Variants in UGT1A8 observed in about 807,000 individuals in gnomAD.
UGT1A8 encodes UDP glucuronosyltransferase family 1 member A8, also known as UDP-glucuronosyltransferase 1A8.
UGT1A8 carries 39 observed loss-of-function variants against 45.3 expected under a neutral mutation model. That is an observed-to-expected ratio of 0.86 (90% CI 0.67 to 1.12). The LOEUF is 1.12. Among genes scored for constraint, UGT1A8 ranks in the 50% most tolerant of loss-of-function variants. The pLI is 0.00. For synonymous variants in UGT1A8, 275 were observed against 249.2 expected (o/e 1.10, Z -0.97); for missense variants, 719 against 664.9 (o/e 1.08, Z -0.90).
intron 1 of UGT1A8, among the ~76,000 whole-genome samples, chr2:233,677,019 T>G (rs1370801889): frequency 6.6e-6 from 1 of 152,182 alleles, no homozygotes; most frequent in Non-Finnish European, 1.5e-5. Context: ...AAATTGCTTT[T>G]GCTATTGGAG....
chr2:233,677,349 G>A (rs1383112732), intron 1 of UGT1A8, among the ~76,000 whole-genome samples: 1 of 152,106 alleles, frequency 6.6e-6, no homozygotes, highest in Non-Finnish European at 1.5e-5. Flanking sequence ...CCTGAACAAT[G>A]TGGGAATGAA....
At chr2:233,641,562 A>G (rs535664733) in intron 1 of UGT1A8, among the ~76,000 whole-genome samples, 1 of 152,314 alleles carries the variant, frequency 6.6e-6, no homozygotes, top group South Asian at 2.1e-4. Context: ...ACAATGTTAT[A>G]ATATTCTGTG....
chr2:233,661,913 A>T (rs2073979139), intron 1 of UGT1A8, among the ~76,000 whole-genome samples: 3 of 151,798 alleles, frequency 2.0e-5, no homozygotes, highest in Admixed American at 6.6e-5. Flanking sequence ...ATGCATGAGA[A>T]CTGTGAGATC....
chr2:233,744,711 T>A (rs1692896185), intron 1 of UGT1A8, among the ~76,000 whole-genome samples: 1 of 151,888 alleles, frequency 6.6e-6, no homozygotes, highest in Non-Finnish European at 1.5e-5. Context: ...TGTACACTTG[T>A]GAGAGAATGA....
intron 1 of UGT1A8, among the ~76,000 whole-genome samples, chr2:233,749,052 C>A (rs1694096242): frequency 6.6e-6 from 1 of 151,690 alleles, no homozygotes; most frequent in Admixed American, 6.6e-5. Flanking sequence ...TACTCTGGGA[C>A]CTGAATATTG....
chr2:233,733,095 G>A (rs1341199680), intron 1 of UGT1A8, among the ~76,000 whole-genome samples: 1 of 152,176 alleles, frequency 6.6e-6, no homozygotes, highest in Non-Finnish European at 1.5e-5. Context: ...GTTCACTCAT[G>A]GTTTGGCTCT....
intron 1 of UGT1A8, among the ~76,000 whole-genome samples, chr2:233,645,181 C>G (rs1422396315): frequency 6.6e-6 from 1 of 152,190 alleles, no homozygotes; most frequent in Admixed American, 6.5e-5. Flanking sequence ...TTCTTGTTGA[C>G]TAGGCTTCTT....
At chr2:233,740,749 G>A (rs1056795569) in intron 1 of UGT1A8, 15 of 151,730 alleles carry the variant, frequency 9.9e-5, no homozygotes, top group African/African-American at 3.7e-4. Context: ...TTTACACTCT[G>A]AAAACCTTAT....
At chr2:233,731,691 A>C (rs2078192631) in intron 1 of UGT1A8, among the ~76,000 whole-genome samples, 1 of 152,178 alleles carries the variant, frequency 6.6e-6, no homozygotes, top group Non-Finnish European at 1.5e-5. Flanking sequence ...TCATTGATGG[A>C]CATTTGGATT....
intron 1 of UGT1A8, chr2:233,672,940 C>T (rs893353525): frequency 1.6e-5 from 23 of 1,396,402 alleles, no homozygotes; most frequent in African/African-American, 2.9e-5. Flanking sequence ...TGCGTGTACT[C>T]GTCAGTAGCA....
At position 233,769,854 on chromosome 2, in the gene UGT1A8, T is replaced by G; in HGVS notation, c.1295+1415T>G. ...ACCTGGGCAACAGAGTGAGACCCTG[T>G]CTCAAAAAAAAAAAAAAAAATGAAA... On this transcript the variant is annotated intron_variant, in intron 4 of 4. Coordinates refer to ENST00000373450, the MANE Select transcript of UGT1A8 (RefSeq NM_019076.5). This position sits in a 1 kb window ranked among gnomAD's most constrained non-coding sequence, Gnocchi z 4.4. The G allele has an allele frequency of 2.3e-6, 1 of 426,362 alleles. No homozygotes were observed. Among genetic ancestry groups the G allele is most frequent in the Non-Finnish European group, 3.7e-6 (1 of 266,728 alleles). The allele number at this position is 426,362 out of a possible 1,614,324, so 26.4% of individuals were successfully genotyped here.
intron 1 of UGT1A8, among the ~76,000 whole-genome samples, chr2:233,680,348 T>C (rs1417780955): frequency 6.6e-6 from 1 of 152,206 alleles, no homozygotes; most frequent in Non-Finnish European, 1.5e-5. Context: ...ATAAACGTCA[T>C]ATCACATGCA....
chr2:233,664,565 A>G (rs1340444080), intron 1 of UGT1A8, among the ~76,000 whole-genome samples: 1 of 152,168 alleles, frequency 6.6e-6, no homozygotes. Flanking sequence ...TACTCATGGT[A>G]GAAGATGAAG....
chr2:233,663,464 C>G (rs113502929), intron 1 of UGT1A8, among the ~76,000 whole-genome samples: 2 of 152,082 alleles, frequency 1.3e-5, no homozygotes, highest in African/African-American at 4.8e-5. Context: ...AGCAGATGAG[C>G]CAGTTTATTG....
Position 233,618,136 on chromosome 2 carries a change from T to C in UGT1A8, c.429T>C (p.Asp143=). 1 of 1,614,196 alleles carries C rather than the reference T, an allele frequency of 6.2e-7. No homozygotes were observed. The highest frequency in any genetic ancestry group is 8.5e-7 in the Non-Finnish European group (1 of 1,180,044). Residue 143 remains aspartate, a synonymous_variant, in exon 1 of 5, where the codon GAT becomes GAC. Transcript: ENST00000373450. ...LVEYLKESSF[D]AVFLDPFDAC... ...AATACTTAAAGGAGAGTTCTTTTGA[T>C]GCGGTGTTTCTTGATCCTTTTGATG... is the stretch of plus-strand genomic sequence containing the variant.
At chr2:233,747,952 A>G in intron 1 of UGT1A8, 2 of 1,613,280 alleles carry the variant, frequency 1.2e-6, no homozygotes, top group Non-Finnish European at 1.7e-6. Flanking sequence ...TCAGTGGTGG[A>G]TCTTCTCAGC....
intron 1 of UGT1A8, among the ~76,000 whole-genome samples, chr2:233,714,272 G>A (rs1053935248): frequency 6.6e-6 from 1 of 152,146 alleles, no homozygotes; most frequent in Non-Finnish European, 1.5e-5. Context: ...AATTGTTGAC[G>A]TGACAATTTT....
At chr2:233,713,137 G>T (rs369417360) in intron 1 of UGT1A8, 1 of 1,614,192 alleles carries the variant, frequency 6.2e-7, no homozygotes, top group African/African-American at 1.3e-5. Flanking sequence ...GAGGCCTTGC[G>T]GGACCTCCAT....
At chr2:233,682,866 A>C in intron 1 of UGT1A8, 1 of 1,525,494 alleles carries the variant, frequency 6.6e-7, no homozygotes, top group South Asian at 1.3e-5. Flanking sequence ...CAGAATCATA[A>C]TTTATCATTT....
Sources: gnomAD v4.1 joint callset for allele counts (sites outside exome capture counted in the v4.1 genomes callset) on GRCh38, gnomAD v4.1.1 for gene constraint, Gnocchi (gnomAD v3.1) non-coding constraint, MANE v1.5 for transcripts, NCBI Gene and HGNC (gene_info 2026-07-23, HGNC 2026-07-21) for gene names.